The following TCF20 variants were observed in gnomAD, a reference collection of about 807,000 sequenced individuals.
TCF20 encodes the protein SPRE-binding protein.
TCF20 carries 3 observed loss-of-function variants against 148.6 expected under a neutral mutation model. The observed-to-expected ratio is 0.02, with a 90% CI of 0.01 to 0.05. The LOEUF is 0.05. TCF20 is among the 10% of genes least tolerant of loss of function. TCF20 has a pLI of 1.00. For synonymous variants in TCF20, 1,049 were observed against 909.5 expected, an observed-to-expected ratio of 1.15 and a Z score of -2.76; for missense variants, 2,350 against 2,429.3, an observed-to-expected ratio of 0.97 and a Z score of 0.69.
At chr22:42,288,163 C>T (rs530034573), upstream of TCF20, among the ~76,000 whole-genome samples, 18 of 152,018 alleles carry the variant, frequency 1.2e-4, no homozygotes, top group Non-Finnish European at 2.1e-4. Context: ...GGGAGGCCAA[C>T]GTGGGTGAAT....
At position 42,279,260 on chromosome 22, in the gene TCF20, T is replaced by C. The variant is rs927356660; in HGVS notation, c.-37+4567A>G. Reference sequence around the variant, plus strand: ...TGGCTCATACCTGTAGTCCCAGCACTTTGGGAGGCTGAGGCGGGCGGATCA... The same window carrying C: ...TGGCTCATACCTGTAGTCCCAGCACCTTGGGAGGCTGAGGCGGGCGGATCA... On this transcript the variant is annotated intron_variant, in intron 1 of 5. Transcript: ENST00000359486. This position sits in a 1 kb window ranked among gnomAD's most constrained non-coding sequence, Gnocchi z 4.3. Among the ~76,000 whole-genome samples the C allele has an allele frequency of 7.2e-5, 11 of 152,074 alleles. No individual in the cohort carries two copies. Among genetic ancestry groups the C allele is most frequent in the Non-Finnish European group, 5.9e-5 (4 of 68,000 alleles).
chr22:42,336,446 A>T (rs1036440669), intron 1 of TCF20, among the ~76,000 whole-genome samples: 1 of 151,530 alleles, frequency 6.6e-6, no homozygotes, highest in Non-Finnish European at 1.5e-5. Context: ...TCCTGCATGC[A>T]TCCCAGGCAT....
At chr22:42,273,437 A>G (rs1926697019), upstream of TCF20, among the ~76,000 whole-genome samples, 2 of 151,068 alleles carry the variant, frequency 1.3e-5, no homozygotes. Flanking sequence ...GTTCTATGAC[A>G]TGGACACAAA....
At position 42,317,318 on chromosome 22, in the gene TCF20, C is replaced by G. The variant is rs1927649259; in HGVS notation, c.-37+26161G>C. 6.6e-6 allele frequency among the ~76,000 whole-genome samples: 1 copy of G among 152,230 alleles called. No homozygotes were observed. Among genetic ancestry groups the G allele is most frequent in the African/African-American group, 2.4e-5 (1 of 41,460 alleles). ...CCACACTGAAGGTGGCAATATTTCACCTCGCCCAGAAATTTACTGCAAGTT... is the reference window on the plus strand; with the variant it reads ...CCACACTGAAGGTGGCAATATTTCAGCTCGCCCAGAAATTTACTGCAAGTT... On this transcript the variant is annotated intron_variant, in intron 1 of 1. Coordinates refer to the TCF20 transcript ENST00000515426. The surrounding 1 kb of genome is among the most constrained non-coding windows in gnomAD (Gnocchi z 4.2).
intron 1 of TCF20, among the ~76,000 whole-genome samples, chr22:42,236,083 T>C (rs1284699531): frequency 1.3e-5 from 2 of 151,652 alleles, no homozygotes; most frequent in African/African-American, 4.8e-5. Context: ...AATCCGAGAA[T>C]CACTTGCTTG....
Position 42,270,515 on chromosome 22 carries a change from C to T in TCF20, c.-213G>A, listed in dbSNP as rs1051375040. On this transcript the variant is annotated 5_prime_UTR_variant, in exon 1 of 6. Coordinates refer to ENST00000677622, the MANE Select transcript of TCF20 (RefSeq NM_001378418.1). ...GGGCCGCGGCCCCTCGAGGCTCGCT[C>T]CGGCCCGCGCGCTCGCTCCCCGGTC... Among the ~76,000 whole-genome samples, 3 of 145,232 alleles carry T rather than the reference C, an allele frequency of 2.1e-5. No homozygotes were observed. The highest frequency in any genetic ancestry group is 4.6e-5 in the Non-Finnish European group (3 of 65,358).
At chr22:42,209,454 C>T (rs1464136195) in intron 2 of TCF20, among the ~76,000 whole-genome samples, 197 bp downstream of exon 2, 1 of 152,176 alleles carries the variant, frequency 6.6e-6, no homozygotes, top group Non-Finnish European at 1.5e-5. Context: ...AAGCATTATA[C>T]ATTTCAAAAA....
intron 1 of TCF20, among the ~76,000 whole-genome samples, chr22:42,308,439 C>A (rs1162449460): frequency 6.6e-6 from 1 of 152,238 alleles, no homozygotes; most frequent in African/African-American, 2.4e-5. Context: ...CTCACTTAGT[C>A]CTCCCTATCC....
intron 1 of TCF20, among the ~76,000 whole-genome samples, chr22:42,289,137 G>C (rs943237648): frequency 6.6e-6 from 1 of 152,212 alleles, no homozygotes; most frequent in African/African-American, 2.4e-5. Flanking sequence ...AGTTTCACCT[G>C]GTCTCCACTG....
intron 1 of TCF20, among the ~76,000 whole-genome samples, chr22:42,335,627 G>C (rs991505862): frequency 1.2e-4 from 19 of 152,210 alleles, no homozygotes; most frequent in African/African-American, 4.3e-4. Flanking sequence ...AGACAGCAGG[G>C]GGGCAGAGAG....
chr22:42,184,802 T>G, intron 2 of TCF20, among the ~76,000 whole-genome samples: 1 of 152,188 alleles, frequency 6.6e-6, no homozygotes, highest in Non-Finnish European at 1.5e-5. Context: ...TTTAAAGAAC[T>G]CTAATAAGAA....
At chr22:42,176,588 T>G (rs767931040) in intron 3 of TCF20, among the ~76,000 whole-genome samples, 2 of 152,180 alleles carry the variant, frequency 1.3e-5, no homozygotes, top group African/African-American at 2.4e-5. Flanking sequence ...AGAGGGGGCA[T>G]GCACATGACA....
At chr22:42,227,875 A>G (rs1923057038) in intron 1 of TCF20, among the ~76,000 whole-genome samples, 1 of 152,184 alleles carries the variant, frequency 6.6e-6, no homozygotes. Flanking sequence ...ACTACTGCTG[A>G]TATTTACCAC....
chr22:42,289,103 T>C (rs1391426533), intron 1 of TCF20, among the ~76,000 whole-genome samples: 1 of 152,176 alleles, frequency 6.6e-6, no homozygotes, highest in African/African-American at 2.4e-5. Context: ...GACCAACAGA[T>C]ATTCCCCGAC....
intron 1 of TCF20, among the ~76,000 whole-genome samples, chr22:42,232,345 C>T (rs1923494034): frequency 6.6e-6 from 1 of 151,818 alleles, no homozygotes; most frequent in African/African-American, 2.4e-5. Flanking sequence ...AAAAATCACT[C>T]AATGATGCAC....
At chr22:42,284,019 A>G (rs1332775226), upstream of TCF20, among the ~76,000 whole-genome samples, 1 of 152,180 alleles carries the variant, frequency 6.6e-6, no homozygotes, top group Admixed American at 6.5e-5. Context: ...CCGGCAAGTG[A>G]AGTCACAGGG....
intron 1 of TCF20, among the ~76,000 whole-genome samples, chr22:42,298,314 G>A (rs111983714): frequency 3.3e-5 from 5 of 152,366 alleles, no homozygotes; most frequent in African/African-American, 1.2e-4. Context: ...GGTAGGTGAA[G>A]GTGGGCACAT....
At chr22:42,219,383 C>CAAAAAAAAAAAAAAAAA (rs1922140132) in intron 1 of TCF20, among the ~76,000 whole-genome samples, 1 of 62,050 alleles carries the variant, frequency 1.6e-5, no homozygotes, top group African/African-American at 7.3e-5. Context: ...AAAAAAAAAG[C>CAAAAAAAAAAAAAAAAA]TAATAGAGAT....
intron 1 of TCF20, among the ~76,000 whole-genome samples, chr22:42,305,789 C>T (rs769035499): frequency 2.6e-5 from 4 of 152,034 alleles, no homozygotes; most frequent in Non-Finnish European, 4.4e-5. Flanking sequence ...GATCCCTGGA[C>T]CTCCCACCCC....
Sources: gnomAD v4.1 joint callset for allele counts (sites outside exome capture counted in the v4.1 genomes callset) on GRCh38, gnomAD v4.1.1 for gene constraint, Gnocchi (gnomAD v3.1) non-coding constraint, MANE v1.5 for transcripts, NCBI Gene and HGNC (gene_info 2026-07-23, HGNC 2026-07-21) for gene names.